The following SND1 variants were observed in gnomAD, a reference collection of about 807,000 sequenced individuals.
SND1 encodes the protein staphylococcal nuclease and tudor domain containing 1.
In SND1, 38 loss-of-function variants were observed where a neutral mutation model predicts 121.7. That is an observed-to-expected ratio of 0.31 (90% CI 0.24 to 0.41). SND1 has a LOEUF of 0.41. Ranked by LOEUF, SND1 falls within the 10% of genes least tolerant of loss-of-function variation. The pLI is 1.00. For missense variants in SND1, 868 were observed against 1,184.6 expected, an observed-to-expected ratio of 0.73 and a Z score of 3.92; for synonymous variants, 401 against 447.4, an observed-to-expected ratio of 0.90 and a Z score of 1.31.
At chr7:128,070,863 G>C (rs920523945) in intron 16 of SND1, among the ~76,000 whole-genome samples, 2 of 152,076 alleles carry the variant, frequency 1.3e-5, no homozygotes, top group African/African-American at 4.8e-5. Flanking sequence ...AATACTCATG[G>C]TACTTTTGCA....
intron 10 of SND1, among the ~76,000 whole-genome samples, chr7:127,746,716 T>G (rs1379922712): frequency 6.6e-6 from 1 of 152,184 alleles, no homozygotes; most frequent in Non-Finnish European, 1.5e-5. Context: ...CTTTTGAGTA[T>G]GGTGGTGTCT....
intron 14 of SND1, among the ~76,000 whole-genome samples, chr7:127,927,312 CCTT>C (rs1390666626): frequency 3.3e-5 from 5 of 152,164 alleles, no homozygotes; most frequent in Non-Finnish European, 5.9e-5. Flanking sequence ...AGGAAAAAGA[CCTT>C]CTCTTCTGAG....
chr7:127,702,390 T>G (rs772885006), intron 5 of SND1, 45 bp from the exon 6 acceptor site: 2 of 1,547,816 alleles, frequency 1.3e-6, no homozygotes. Context: ...TTTATCCTTG[T>G]TAGGATGTTT....
intron 11 of SND1, among the ~76,000 whole-genome samples, chr7:127,817,545 T>C (rs1798466564): frequency 6.6e-6 from 1 of 152,118 alleles, no homozygotes; most frequent in South Asian, 2.1e-4. Flanking sequence ...CTTAAATGAT[T>C]ATATAATAAA....
At chr7:127,891,868 A>G (rs1414994489) in intron 13 of SND1, among the ~76,000 whole-genome samples, 1 of 152,136 alleles carries the variant, frequency 6.6e-6, no homozygotes, top group Admixed American at 6.6e-5. Flanking sequence ...TTCTTAAGGT[A>G]CTGTATTTAA....
chr7:127,740,556 G>A (rs1796861848), intron 10 of SND1, among the ~76,000 whole-genome samples: 1 of 152,150 alleles, frequency 6.6e-6, no homozygotes, highest in African/African-American at 2.4e-5. Context: ...ATAATGCAGA[G>A]GAAAAATGTT....
intron 13 of SND1, among the ~76,000 whole-genome samples, chr7:127,888,261 T>C (rs931332207): frequency 6.6e-6 from 1 of 152,078 alleles, no homozygotes; most frequent in Non-Finnish European, 1.5e-5. Context: ...TGATCTCCCT[T>C]TGTAGCTGTA....
intron 13 of SND1, among the ~76,000 whole-genome samples, chr7:127,889,854 C>A (rs1008559044): frequency 6.6e-6 from 1 of 152,032 alleles, no homozygotes; most frequent in Non-Finnish European, 1.5e-5. Context: ...ATGACAGGAT[C>A]TCATTCTTTT....
chr7:127,728,006 CCTT>C (rs1228139574), intron 10 of SND1, among the ~76,000 whole-genome samples: 12 of 152,252 alleles, frequency 7.9e-5, no homozygotes, highest in African/African-American at 2.4e-4. Context: ...AAGCCTGCCT[CCTT>C]CTGATGAGGT....
At chr7:127,952,837 G>A (rs1428915442) in intron 15 of SND1, among the ~76,000 whole-genome samples, 1 of 152,112 alleles carries the variant, frequency 6.6e-6, no homozygotes, top group Non-Finnish European at 1.5e-5. Context: ...CATAGTGTGG[G>A]TGACTGTAGC....
chr7:127,969,798 C>T (rs1801941743), intron 15 of SND1, among the ~76,000 whole-genome samples: 1 of 152,186 alleles, frequency 6.6e-6, no homozygotes, highest in Non-Finnish European at 1.5e-5. Context: ...GAGGGATGCA[C>T]TTTACTGTAT....
chr7:127,929,047 T>A, intron 14 of SND1, 141 bp from the exon 15 acceptor site: 1 of 722,170 alleles, frequency 1.4e-6, no homozygotes, highest in South Asian at 1.9e-5. Context: ...ATGGGTATCA[T>A]GTCTATGTCT....
intron 13 of SND1, among the ~76,000 whole-genome samples, chr7:127,900,466 C>G (rs1222184005): frequency 6.6e-6 from 1 of 152,196 alleles, no homozygotes; most frequent in Non-Finnish European, 1.5e-5. Flanking sequence ...CAGACTCTTC[C>G]TTGGCATGAA....
chr7:127,866,599 C>A (rs1361228712), intron 12 of SND1, among the ~76,000 whole-genome samples: 1 of 152,160 alleles, frequency 6.6e-6, no homozygotes, highest in Non-Finnish European at 1.5e-5. Flanking sequence ...AAGGCAGATC[C>A]AAGCATTTCG....
At chr7:128,070,684 G>C (rs929645254) in intron 16 of SND1, among the ~76,000 whole-genome samples, 1 of 152,106 alleles carries the variant, frequency 6.6e-6, no homozygotes, top group Non-Finnish European at 1.5e-5. Context: ...CTCCCCTAAC[G>C]TGTCTTCTGT....
intron 13 of SND1, among the ~76,000 whole-genome samples, chr7:127,893,268 G>A (rs527470448): frequency 1.3e-5 from 2 of 152,224 alleles, no homozygotes; most frequent in East Asian, 3.9e-4. Flanking sequence ...TGGAGCTTTT[G>A]TTGAGCATGT....
intron 1 of SND1, among the ~76,000 whole-genome samples, chr7:127,667,225 G>A (rs1257035051): frequency 6.6e-6 from 1 of 152,118 alleles, no homozygotes; most frequent in Non-Finnish European, 1.5e-5. Context: ...GAGTAATACT[G>A]AGTATTATAC....
chr7:127,900,025 A>G (rs1213694945), intron 13 of SND1, among the ~76,000 whole-genome samples: 1 of 152,016 alleles, frequency 6.6e-6, no homozygotes, highest in African/African-American at 2.4e-5. Flanking sequence ...CCTGCCACCT[A>G]TTGCATGCCA....
At chr7:127,807,274 T>C (rs911927480) in intron 10 of SND1, among the ~76,000 whole-genome samples, 7 of 152,230 alleles carry the variant, frequency 4.6e-5, no homozygotes, top group Non-Finnish European at 1.0e-4. Flanking sequence ...TCATTTCTTA[T>C]TTGTGAGCCT....
Sources: allele counts gnomAD v4.1 joint callset (sites outside exome capture counted in the v4.1 genomes callset), GRCh38; gene constraint gnomAD v4.1.1; transcripts MANE v1.5; gene names NCBI Gene and HGNC (gene_info 2026-07-23, HGNC 2026-07-21).